ZNF737: variants seen among roughly 807,000 people sequenced by gnomAD.
ZNF737 encodes the protein zinc finger protein 737.
Under a neutral mutation model 11.7 loss-of-function variants are expected in ZNF737, and 13 were observed. That is an observed-to-expected ratio of 1.11 (90% CI 0.73 to 1.77). The LOEUF (loss-of-function observed/expected upper bound fraction) is 1.77. Among genes scored for constraint, ZNF737 ranks in the 40% most tolerant of loss-of-function variants. ZNF737 has a pLI of 0.00. For synonymous variants in ZNF737, 217 were observed against 216.2 expected, an observed-to-expected ratio of 1.00 and a Z score of -0.03; for missense variants, 636 against 638.0, an observed-to-expected ratio of 1.00 and a Z score of 0.03.
In ZNF737 at chr19:20,539,301, AAG is replaced by A. The variant is rs1555754595; in HGVS notation, c.*5289_*5290del. On this transcript the variant is annotated 3_prime_UTR_variant, in exon 4 of 4. Coordinates refer to ENST00000427401, the MANE Select transcript of ZNF737 (RefSeq NM_001159293.2). The stretch of plus-strand genomic sequence containing the variant: ...TGAGAATCCTTCTAAAAAAAAAAAA[AAG>A]AAATTCTTTCTTCAATTACTTGGAA... The A allele has an allele frequency of 1.0e-6, 1 of 983,768 alleles. No individual in the cohort carries two copies. The highest frequency in any genetic ancestry group is 6.2e-5 in the Admixed American group (1 of 16,246). The allele number at this position is 983,768 out of a possible 1,614,324, so 60.9% of individuals were successfully genotyped here.
chr19:20,530,964 G>A (rs189102071), downstream of ZNF737, among the ~76,000 whole-genome samples: 708 of 149,438 alleles, frequency 4.7e-3, 31 homozygotes, highest in Non-Finnish European at 7.8e-3. Context: ...ACGAGACTCC[G>A]TCTGCAATCC....
At position 20,539,316 on chromosome 19, in the gene ZNF737, C is replaced by G. The variant is rs1161603563; in HGVS notation, c.*5276G>C. 6.1e-6 allele frequency: 6 copies of G among 980,548 alleles called. No individual in the cohort carries two copies. Among genetic ancestry groups the G allele is most frequent in the Non-Finnish European group, 7.3e-6 (6 of 825,964 alleles). The allele number at this position is 980,548 out of a possible 1,614,324, so 60.7% of individuals were successfully genotyped here. A position where few individuals can be genotyped will look rare whatever the true frequency, so the allele number is the denominator to read the frequency against. The stretch of plus-strand genomic sequence containing the variant: ...AAAAAAAAAAAAGAAATTCTTTCTT[C>G]AATTACTTGGAAACCCTGGGAAGCC... On this transcript the variant is annotated 3_prime_UTR_variant, in exon 4 of 4. Transcript: ENST00000427401.
In ZNF737 at chr19:20,551,565, C is replaced by G. The variant is rs192557307; in HGVS notation, c.226+910G>C. 7.3e-5 allele frequency among the ~76,000 whole-genome samples: 11 copies of G among 151,544 alleles called. No homozygotes were observed. In the East Asian group the frequency reaches 2.1e-3, roughly 29 times the overall value. On this transcript the variant is annotated intron_variant, in intron 3 of 3. Transcript: ENST00000427401. The stretch of plus-strand genomic sequence containing the variant: ...AACAGTACATTAAAACCTGTCTAAA[C>G]TAATGAATACACTGAGTAAATTAGC...
intron 1 of ZNF737, among the ~76,000 whole-genome samples, chr19:20,559,842 T>C (rs1969017090): frequency 6.6e-6 from 1 of 152,272 alleles, no homozygotes; most frequent in Admixed American, 6.5e-5. Context: ...GGACAGGCCC[T>C]AAATACCTAT....
downstream of ZNF737, among the ~76,000 whole-genome samples, chr19:20,531,899 A>G (rs1967838421): frequency 6.6e-6 from 1 of 150,462 alleles, no homozygotes; most frequent in South Asian, 2.2e-4. Flanking sequence ...TATGTATACA[A>G]AACATGTTCC....
Position 20,541,918 on chromosome 19 carries a change from A to C in ZNF737, c.*2674T>G, listed in dbSNP as rs1329700458. On this transcript the variant is annotated 3_prime_UTR_variant, in exon 4 of 4. Transcript: ENST00000427401. Reference sequence around the variant, plus strand: ...TTACTACATATTGTAGGCCTGAGTCAAAAGATGCCATATAAGGCATAAATA... The same window carrying C: ...TTACTACATATTGTAGGCCTGAGTCCAAAGATGCCATATAAGGCATAAATA... The C allele has an allele frequency of 3.0e-6, 2 of 676,112 alleles. No homozygotes were observed. Among genetic ancestry groups the C allele is most frequent in the African/African-American group, 2.0e-5 (1 of 50,836 alleles). The allele number at this position is 676,112 out of a possible 1,614,324, so 41.9% of individuals were successfully genotyped here. A position where few individuals can be genotyped will look rare whatever the true frequency, so the allele number is the denominator to read the frequency against.
At chr19:20,561,556 G>A (rs1210206462) in intron 1 of ZNF737, among the ~76,000 whole-genome samples, 3 of 151,216 alleles carry the variant, frequency 2.0e-5, no homozygotes, top group Non-Finnish European at 4.4e-5. Context: ...TGACCAGACA[G>A]CAGAGCTCCC....
At chr19:20,533,480 G>A (rs1555753254), downstream of ZNF737, among the ~76,000 whole-genome samples, 3 of 149,748 alleles carry the variant, frequency 2.0e-5, no homozygotes, top group Non-Finnish European at 3.0e-5. Flanking sequence ...ACATATGAAT[G>A]TGTCTTTGTA....
chr19:20,557,206 C>A (rs1177250815), intron 1 of ZNF737, among the ~76,000 whole-genome samples: 2 of 152,098 alleles, frequency 1.3e-5, no homozygotes, highest in Non-Finnish European at 2.9e-5. Context: ...AAAACTAGGA[C>A]CCTAAAATAC....
At chr19:20,560,329 A>G (rs1215721695) in intron 1 of ZNF737, among the ~76,000 whole-genome samples, 2 of 152,190 alleles carry the variant, frequency 1.3e-5, no homozygotes, top group Non-Finnish European at 2.9e-5. Context: ...AGCCTGGGCA[A>G]TAAGGGAGAC....
downstream of ZNF737, among the ~76,000 whole-genome samples, chr19:20,535,026 T>C (rs1202140850): frequency 6.7e-6 from 1 of 149,950 alleles, no homozygotes; most frequent in Non-Finnish European, 1.5e-5. Flanking sequence ...AAAATTAAAA[T>C]ACTTCTAGAA....
At chr19:20,531,878 A>T (rs531426014), downstream of ZNF737, among the ~76,000 whole-genome samples, 127 of 150,590 alleles carry the variant, frequency 8.4e-4, 10 homozygotes, top group African/African-American at 3.0e-3. Context: ...AAATATTTCT[A>T]TCTAAACATT....
In ZNF737 at chr19:20,540,279, T is replaced by A. The variant is rs1386411027; in HGVS notation, c.*4313A>T. The A allele has an allele frequency of 2.5e-5, 9 of 355,180 alleles. 1 individual carries two copies. Among genetic ancestry groups the A allele is most frequent in the Non-Finnish European group, 3.1e-5 (8 of 254,310 alleles). The allele number at this position is 355,180 out of a possible 1,614,324, so 22.0% of individuals were successfully genotyped here. A position where few individuals can be genotyped will look rare whatever the true frequency, so the allele number is the denominator to read the frequency against. ...GCACCTCTGATTAAGTTTAGCACAA[T>A]CAGGATAATCTCCATTTTGATAAAC... On this transcript the variant is annotated 3_prime_UTR_variant, in exon 4 of 4. Transcript: ENST00000427401.
downstream of ZNF737, among the ~76,000 whole-genome samples, chr19:20,537,321 C>T (rs1177451038): frequency 2.0e-5 from 3 of 151,636 alleles, no homozygotes; most frequent in African/African-American, 7.3e-5. Flanking sequence ...CTGCCTCAGC[C>T]TCCCCAGTAG....
chr19:20,533,474 A>G (rs2122432501), downstream of ZNF737, among the ~76,000 whole-genome samples: 1 of 150,042 alleles, frequency 6.7e-6, no homozygotes, highest in South Asian at 2.2e-4. Context: ...ACACAAACAT[A>G]TGAATGTGTC....
intron 1 of ZNF737, among the ~76,000 whole-genome samples, chr19:20,557,774 G>T (rs552428424): frequency 6.6e-6 from 1 of 151,730 alleles, no homozygotes; most frequent in Non-Finnish European, 1.5e-5. Flanking sequence ...ATGCCACCAC[G>T]CCCAGCTAAT....
At chr19:20,552,351 G>A in intron 3 of ZNF737, 124 bp downstream of exon 3, 3 of 506,508 alleles carry the variant, frequency 5.9e-6, no homozygotes, top group Non-Finnish European at 9.5e-6. Context: ...AAAAAAAACA[G>A]CTCCCAGGAA....
intron 3 of ZNF737, among the ~76,000 whole-genome samples, chr19:20,546,619 T>G (rs1555757126): frequency 6.6e-6 from 1 of 152,198 alleles, no homozygotes; most frequent in African/African-American, 2.4e-5. Flanking sequence ...AAATACTATG[T>G]GCTGTAGCTC....
At chr19:20,548,424 C>A (rs1968533771) in intron 3 of ZNF737, among the ~76,000 whole-genome samples, 1 of 152,090 alleles carries the variant, frequency 6.6e-6, no homozygotes. Context: ...CTGTATGATT[C>A]CACATATATG....
Sources: allele counts gnomAD v4.1 joint callset (sites outside exome capture counted in the v4.1 genomes callset), GRCh38; gene constraint gnomAD v4.1.1; transcripts MANE v1.5; gene names NCBI Gene and HGNC (gene_info 2026-07-23, HGNC 2026-07-21).